NOL4: variants seen among roughly 807,000 people sequenced by gnomAD.
The protein encoded by NOL4 is nucleolar protein 4.
In NOL4, 17 loss-of-function variants were observed where a neutral mutation model predicts 75.9. The observed-to-expected ratio is 0.22, with a 90% CI of 0.15 to 0.34. NOL4 has a LOEUF of 0.34. NOL4 is among the 10% of genes least tolerant of loss of function. The pLI is 1.00. For missense variants in NOL4, 614 were observed against 793.5 expected, an observed-to-expected ratio of 0.77 and a Z score of 2.72; for synonymous variants, 292 against 289.9, an observed-to-expected ratio of 1.01 and a Z score of -0.07.
intron 1 of NOL4, among the ~76,000 whole-genome samples, chr18:34,155,592 T>A (rs1165365679): frequency 6.6e-6 from 1 of 152,060 alleles, no homozygotes; most frequent in Non-Finnish European, 1.5e-5. Context: ...TACAAACCTA[T>A]ACAGCATGTT....
chr18:34,086,447 T>C (rs1377228954), intron 5 of NOL4, among the ~76,000 whole-genome samples: 1 of 152,170 alleles, frequency 6.6e-6, no homozygotes, highest in Non-Finnish European at 1.5e-5. Context: ...AAAAACATTT[T>C]AATAGCTTTT....
intron 1 of NOL4, among the ~76,000 whole-genome samples, chr18:34,155,492 TATC>T (rs944264791): frequency 1.3e-5 from 2 of 152,168 alleles, no homozygotes; most frequent in Admixed American, 1.3e-4. Flanking sequence ...GTGATTTCCT[TATC>T]ATGCAAACAT....
chr18:33,977,340 G>A (rs1027752786), intron 6 of NOL4, among the ~76,000 whole-genome samples: 2 of 152,122 alleles, frequency 1.3e-5, no homozygotes, highest in Admixed American at 1.3e-4. Context: ...GGGACCCAAT[G>A]GGAGGCAACT....
At chr18:34,156,037 T>A (rs2030325799) in intron 1 of NOL4, among the ~76,000 whole-genome samples, 1 of 152,190 alleles carries the variant, frequency 6.6e-6, no homozygotes, top group Admixed American at 6.5e-5. Flanking sequence ...TTTGGATGCC[T>A]GTTTGTCAGA....
At chr18:33,952,762 TA>T (rs2069332509) in intron 8 of NOL4, among the ~76,000 whole-genome samples, 1 of 152,080 alleles carries the variant, frequency 6.6e-6, no homozygotes, top group African/African-American at 2.4e-5. Flanking sequence ...CCATCTCTAC[TA>T]AAAATACAAA....
chr18:33,994,218 A>G (rs1374251321), intron 6 of NOL4, among the ~76,000 whole-genome samples: 1 of 151,892 alleles, frequency 6.6e-6, no homozygotes, highest in East Asian at 1.9e-4. Context: ...AGATTTCAAC[A>G]CTCCACTTCC....
At chr18:33,853,518 G>A in intron 10 of NOL4, among the ~76,000 whole-genome samples, 1 of 152,006 alleles carries the variant, frequency 6.6e-6, no homozygotes, top group East Asian at 1.9e-4. Flanking sequence ...AGGAAACTAA[G>A]GACTAAAGGA....
At chr18:33,957,178 G>A (rs2069713265) in intron 8 of NOL4, 148 bp downstream of exon 8, 1 of 582,070 alleles carries the variant, frequency 1.7e-6, no homozygotes, top group East Asian at 2.9e-5. Context: ...AGGAGAAGGG[G>A]AAAAAACAAA....
chr18:34,071,420 TAGAC>T (rs1249111535), intron 5 of NOL4, among the ~76,000 whole-genome samples: 18 of 116,948 alleles, frequency 1.5e-4, no homozygotes, highest in African/African-American at 4.1e-4. Context: ...TATACACAAA[TAGAC>T]AGACAGACAG....
chr18:34,174,840 A>G (rs1171874253), intron 1 of NOL4, among the ~76,000 whole-genome samples: 1 of 152,110 alleles, frequency 6.6e-6, no homozygotes, highest in East Asian at 1.9e-4. Context: ...ATCCATGTCC[A>G]TGCAAAGGAC....
chr18:34,169,419 G>T (rs1387867689), intron 1 of NOL4, among the ~76,000 whole-genome samples: 2 of 149,820 alleles, frequency 1.3e-5, no homozygotes, highest in East Asian at 3.9e-4. Flanking sequence ...TTTTTAATGT[G>T]CAGGAAAAAG....
intron 5 of NOL4, among the ~76,000 whole-genome samples, chr18:34,056,330 C>A (rs571530731): frequency 1.3e-5 from 2 of 152,278 alleles, no homozygotes; most frequent in East Asian, 3.9e-4. Flanking sequence ...GGGAGACTCT[C>A]AAAACGTTTC....
chr18:33,877,509 CTTGA>C (rs1337144420), intron 10 of NOL4, among the ~76,000 whole-genome samples: 1 of 150,812 alleles, frequency 6.6e-6, no homozygotes, highest in Non-Finnish European at 1.5e-5. Context: ...TATACATGAC[CTTGA>C]GCAAGTCACA....
At chr18:33,926,370 A>AG (rs1276144822) in intron 9 of NOL4, among the ~76,000 whole-genome samples, 69 of 150,692 alleles carry the variant, frequency 4.6e-4, no homozygotes, top group African/African-American at 1.7e-3. Flanking sequence ...AAAAAAAAAA[A>AG]AAAAAAAAAA....
chr18:34,092,993 C>G (rs1411628713), intron 5 of NOL4, among the ~76,000 whole-genome samples: 1 of 152,138 alleles, frequency 6.6e-6, no homozygotes, highest in Non-Finnish European at 1.5e-5. Context: ...CAAATATTGT[C>G]TTACTCAGCA....
At chr18:33,866,238 T>C (rs1170265412) in intron 10 of NOL4, among the ~76,000 whole-genome samples, 1 of 152,172 alleles carries the variant, frequency 6.6e-6, no homozygotes. Flanking sequence ...CTCCCACACG[T>C]TTGAAAAATT....
intron 9 of NOL4, among the ~76,000 whole-genome samples, chr18:33,926,489 C>T (rs2067339664): frequency 6.6e-6 from 1 of 151,606 alleles, no homozygotes; most frequent in Non-Finnish European, 1.5e-5. Flanking sequence ...AAAACAATCT[C>T]TTCCATGCTA....
In NOL4 at chr18:34,191,248, A is replaced by G. The variant is rs1224814948; in HGVS notation, c.264+31742T>C. ...TCGGTTGAAAATACTATTAAGTCTC[A>G]CTCTCTTCATTTCCATTGTTCTAAA... On this transcript the variant is annotated intron_variant, in intron 1 of 10. Coordinates refer to ENST00000261592, the MANE Select transcript of NOL4 (RefSeq NM_003787.5). 2.0e-5 allele frequency among the ~76,000 whole-genome samples: 3 copies of G among 152,004 alleles called. No homozygotes were observed. In the East Asian group the frequency reaches 5.8e-4, roughly 29 times the overall value.
At chr18:34,012,718 T>G (rs574329537) in intron 6 of NOL4, among the ~76,000 whole-genome samples, 1 of 152,126 alleles carries the variant, frequency 6.6e-6, no homozygotes, top group East Asian at 1.9e-4. Context: ...AGGCATCTGT[T>G]ACATTCTTTT....
Sources: allele counts gnomAD v4.1 joint callset (sites outside exome capture counted in the v4.1 genomes callset), GRCh38; gene constraint gnomAD v4.1.1; transcripts MANE v1.5; gene names NCBI Gene and HGNC (gene_info 2026-07-23, HGNC 2026-07-21).